The following ADAMTS19 variants were observed in gnomAD, a reference collection of about 807,000 sequenced individuals.
ADAMTS19 encodes the protein A disintegrin and metalloproteinase with thrombospondin motifs 19.
ADAMTS19 carries 93 observed loss-of-function variants against 153.3 expected under a neutral mutation model. That is an observed-to-expected ratio of 0.61 (90% CI 0.51 to 0.72). ADAMTS19 has a LOEUF of 0.72. Ranked by LOEUF, ADAMTS19 falls within the 30% of genes least tolerant of loss-of-function variation. The pLI, the probability that ADAMTS19 is intolerant of heterozygous loss-of-function variation, is 0.00. For synonymous variants in ADAMTS19, 600 were observed against 556.6 expected (o/e 1.08, Z -1.10); for missense variants, 1,482 against 1,552.1 (o/e 0.95, Z 0.76).
At chr5:129,654,281 T>C in intron 13 of ADAMTS19, 25 bp from the exon 14 acceptor site, 4 of 1,554,506 alleles carry the variant, frequency 2.6e-6, no homozygotes, top group Non-Finnish European at 3.5e-6. Flanking sequence ...TTTTTCTCAT[T>C]TCTTTTTATC....
At chr5:129,691,251 G>A (rs891146195) in intron 18 of ADAMTS19, among the ~76,000 whole-genome samples, 2 of 152,076 alleles carry the variant, frequency 1.3e-5, no homozygotes, top group African/African-American at 4.8e-5. Flanking sequence ...AATGCATAAT[G>A]GTTATTTTAT....
At chr5:129,470,522 A>T (rs751605714) in intron 2 of ADAMTS19, among the ~76,000 whole-genome samples, 1 of 152,212 alleles carries the variant, frequency 6.6e-6, no homozygotes, top group Non-Finnish European at 1.5e-5. Flanking sequence ...AGCTATAGTG[A>T]ACACATCCAT....
chr5:129,655,616 G>T (rs571939970), intron 14 of ADAMTS19, among the ~76,000 whole-genome samples: 11 of 151,580 alleles, frequency 7.3e-5, no homozygotes, highest in Non-Finnish European at 1.3e-4. Flanking sequence ...TTTTTTCCTC[G>T]TAAAAATGCA....
chr5:129,491,312 G>A (rs1750765371), intron 2 of ADAMTS19, among the ~76,000 whole-genome samples: 1 of 152,068 alleles, frequency 6.6e-6, no homozygotes, highest in Non-Finnish European at 1.5e-5. Flanking sequence ...ACTCCTGAGT[G>A]TTTTTATCAC....
intron 7 of ADAMTS19, among the ~76,000 whole-genome samples, chr5:129,585,950 G>T (rs2126896196): frequency 6.6e-6 from 1 of 152,132 alleles, no homozygotes; most frequent in South Asian, 2.1e-4. Context: ...TTTGCATTGT[G>T]TTTTGTTCTG....
At chr5:129,720,999 T>C (rs892494496) in intron 21 of ADAMTS19, among the ~76,000 whole-genome samples, 2 of 152,262 alleles carry the variant, frequency 1.3e-5, no homozygotes, top group Non-Finnish European at 1.5e-5. Context: ...AGTTGTACTA[T>C]GTATAAGCCT....
At chr5:129,510,670 G>A (rs1057038134) in intron 3 of ADAMTS19, among the ~76,000 whole-genome samples, 2 of 151,816 alleles carry the variant, frequency 1.3e-5, no homozygotes, top group African/African-American at 2.4e-5. Flanking sequence ...AATCTGCACT[G>A]TGTAACTTTT....
intron 3 of ADAMTS19, among the ~76,000 whole-genome samples, chr5:129,514,357 C>T (rs114548218): frequency 6.6e-6 from 1 of 152,024 alleles, no homozygotes; most frequent in South Asian, 2.1e-4. Flanking sequence ...GTTTGAGGAA[C>T]CTTCAAACTG....
chr5:129,645,920 G>A (rs1282506316), intron 11 of ADAMTS19, among the ~76,000 whole-genome samples: 2 of 77,662 alleles, frequency 2.6e-5, no homozygotes, highest in Non-Finnish European at 4.9e-5. Context: ...ACGGAGTCTC[G>A]CTCTGTCGCC....
rs562973987 is a variant in ADAMTS19, at chr5:129,714,278, G to A, written c.3312+9887G>A. On this transcript the variant is annotated intron_variant, in intron 21 of 22. Transcript: ENST00000274487. Reference sequence around the variant, plus strand: ...ACTAAAAATACAAAAAATTAGCCGGGCGCGGTGGCGGGCGCCTGTAGTCCC... The same window carrying A: ...ACTAAAAATACAAAAAATTAGCCGGACGCGGTGGCGGGCGCCTGTAGTCCC... Among the ~76,000 whole-genome samples, 30 of 150,852 alleles carry A rather than the reference G, an allele frequency of 2.0e-4. No individual in the cohort carries two copies. In the South Asian group the frequency reaches 4.8e-3, roughly 24 times the overall value.
chr5:129,668,163 T>C lies in ADAMTS19; in HGVS notation c.2506+2584T>C, dbSNP rs369373177. 3.3e-5 allele frequency among the ~76,000 whole-genome samples: 5 copies of C among 152,278 alleles called. No homozygotes were observed. In the East Asian group the frequency reaches 5.8e-4, roughly 18 times the overall value. On this transcript the variant is annotated intron_variant, in intron 16 of 22. Transcript: ENST00000274487. The stretch of plus-strand genomic sequence containing the variant: ...TGACCTTGTCACTCCATTGTCTACC[T>C]GCATGGTCTCTTTGCCTTCTCCTTT...
chr5:129,554,571 G>C (rs1299457561), intron 7 of ADAMTS19, among the ~76,000 whole-genome samples: 2 of 152,206 alleles, frequency 1.3e-5, no homozygotes, highest in Admixed American at 6.6e-5. Flanking sequence ...ACCATCCTTA[G>C]GATGAATCTG....
At position 129,701,516 on chromosome 5, in the gene ADAMTS19, G is replaced by A; in HGVS notation, c.3083G>A (p.Gly1028Glu). The change falls in exon 20 of 23, where the codon GGG becomes GAG. Residue 1028 changes from glycine to glutamate, a missense_variant. Around this residue, in one of 2 missense-constraint regions of ADAMTS19, gnomAD observed 616 missense variants for 724.4 expected, o/e 0.85. Coordinates refer to ENST00000274487, the MANE Select transcript of ADAMTS19 (RefSeq NM_133638.6). Reference protein sequence around the residue: ...LIRARERDCIGPKPASAQRCE... With the variant: ...LIRARERDCIEPKPASAQRCE... ...AGAGCCCGAGAGAGGGACTGCATTG[G>A]GCCCAAGCCCGCCTCTGCCCAGCGC... 6.2e-7 allele frequency: 1 copy of A among 1,614,130 alleles called. No homozygotes were observed. The highest frequency in any genetic ancestry group is 8.5e-7 in the Non-Finnish European group (1 of 1,180,024).
chr5:129,495,839 G>C (rs1750910709), intron 2 of ADAMTS19, among the ~76,000 whole-genome samples: 1 of 152,004 alleles, frequency 6.6e-6, no homozygotes, highest in Non-Finnish European at 1.5e-5. Context: ...TTGATTCAGG[G>C]TTTATACCAT....
At chr5:129,462,167 C>G (rs1561525585) in intron 2 of ADAMTS19, among the ~76,000 whole-genome samples, 1 of 152,210 alleles carries the variant, frequency 6.6e-6, no homozygotes. Context: ...GCGCCGCACT[C>G]TCAGTTCCTC....
intron 6 of ADAMTS19, among the ~76,000 whole-genome samples, chr5:129,542,981 C>T (rs1002662480): frequency 1.3e-5 from 2 of 148,688 alleles, no homozygotes; most frequent in Admixed American, 1.3e-4. Context: ...TAACAGCCAT[C>T]TTTAAATTAT....
At chr5:129,495,143 A>C (rs747279143) in intron 2 of ADAMTS19, among the ~76,000 whole-genome samples, 1 of 152,048 alleles carries the variant, frequency 6.6e-6, no homozygotes, top group Non-Finnish European at 1.5e-5. Context: ...ATTATTGTAC[A>C]TTTCTGAAGG....
At chr5:129,563,750 A>G (rs1192035496) in intron 7 of ADAMTS19, among the ~76,000 whole-genome samples, 1 of 152,222 alleles carries the variant, frequency 6.6e-6, no homozygotes, top group African/African-American at 2.4e-5. Flanking sequence ...AGCTTCAGAT[A>G]TGCAAATAGA....
At chr5:129,664,256 A>G (rs572893024) in intron 15 of ADAMTS19, among the ~76,000 whole-genome samples, 106 of 152,302 alleles carry the variant, frequency 7.0e-4, no homozygotes, top group African/African-American at 2.4e-3. Flanking sequence ...CAACTCATTT[A>G]TATAAGGTAG....
Sources: allele counts gnomAD v4.1 joint callset (sites outside exome capture counted in the v4.1 genomes callset), GRCh38; gene constraint gnomAD v4.1.1; regional missense constraint gnomAD v4.1.1; transcripts MANE v1.5; gene names NCBI Gene and HGNC (gene_info 2026-07-23, HGNC 2026-07-21).